The following CPLX2 variants were observed in gnomAD, a reference collection of about 807,000 sequenced individuals.
The protein encoded by CPLX2 is complexin-2.
CPLX2 carries 5 observed loss-of-function variants against 16.3 expected under a neutral mutation model. That is an observed-to-expected ratio of 0.31 (90% CI 0.16 to 0.64). The LOEUF (loss-of-function observed/expected upper bound fraction) is 0.64, where lower values mean the gene tolerates loss of function less well. Ranked by LOEUF, CPLX2 falls within the 30% of genes least tolerant of loss-of-function variation. The probability of loss-of-function intolerance (pLI) is 0.79; values close to 1 mark genes in which losing one functional copy is unlikely to be tolerated. For synonymous variants in CPLX2, 89 were observed against 73.2 expected (o/e 1.22, Z -1.10); for missense variants, 144 against 181.4 (o/e 0.79, Z 1.18).
intron 2 of CPLX2, among the ~76,000 whole-genome samples, chr5:175,850,222 C>G (rs1361329009): frequency 1.3e-5 from 2 of 152,084 alleles, no homozygotes; most frequent in Non-Finnish European, 2.9e-5. Context: ...TCAGGATGAT[C>G]TAGCATCAGC....
At chr5:175,813,848 C>A (rs907557473) in intron 2 of CPLX2, among the ~76,000 whole-genome samples, 1 of 152,178 alleles carries the variant, frequency 6.6e-6, no homozygotes, top group Non-Finnish European at 1.5e-5. Flanking sequence ...ATTTCCTTTC[C>A]AAGGAAGAGG....
intron 2 of CPLX2, among the ~76,000 whole-genome samples, chr5:175,856,523 A>G (rs1759260265): frequency 6.6e-6 from 1 of 152,172 alleles, no homozygotes; most frequent in Non-Finnish European, 1.5e-5. Context: ...GAATCTGACA[A>G]CCCAGCAGCC....
rs1324688192 is a variant in CPLX2 at position 175,872,576 on chromosome 5, C to T, written c.-89+871C>T. Among the ~76,000 whole-genome samples, 2 of 152,210 alleles carry T rather than the reference C, an allele frequency of 1.3e-5. No homozygotes were observed. Among genetic ancestry groups the T allele is most frequent in the East Asian group, 3.9e-4 (2 of 5,136 alleles). ...CCGGGGTTCCTGTCCTCTCTTCTGG[C>T]CGGGAAACGGGAACCCCCGGCCACT... On this transcript the variant is annotated intron_variant, in intron 1 of 3. Coordinates refer to ENST00000393745, the MANE Select transcript of CPLX2 (RefSeq NM_001008220.2). This position sits in a 1 kb window ranked among gnomAD's most constrained non-coding sequence, Gnocchi z 5.0.
At chr5:175,810,539 G>A (rs1184968392) in intron 2 of CPLX2, among the ~76,000 whole-genome samples, 1 of 152,166 alleles carries the variant, frequency 6.6e-6, no homozygotes, top group African/African-American at 2.4e-5. Context: ...CTTAGTGCAA[G>A]ACCTGCACAC....
intron 1 of CPLX2, among the ~76,000 whole-genome samples, chr5:175,803,542 G>A (rs1307975202): frequency 2.0e-5 from 3 of 152,174 alleles, no homozygotes; most frequent in Non-Finnish European, 4.4e-5. Context: ...AACATGCAGA[G>A]GTCCTAGGGC....
At chr5:175,833,716 T>A (rs1158247546) in intron 2 of CPLX2, among the ~76,000 whole-genome samples, 4 of 152,156 alleles carry the variant, frequency 2.6e-5, no homozygotes, top group Non-Finnish European at 5.9e-5. Context: ...GATGGGAGGC[T>A]GGAGAGGGAT....
rs539574124 is a variant in CPLX2 at position 175,859,742 on chromosome 5, A to G, written c.-88-18910A>G. On this transcript the variant is annotated intron_variant, in intron 2 of 4. Coordinates refer to the CPLX2 transcript ENST00000359546. ...CACCATTGTGAATTCCCTCTCTTTC[A>G]GTCAACGTGACCATGGGGACCAGCT... Among the ~76,000 whole-genome samples, 44 of 152,366 alleles carry G rather than the reference A, an allele frequency of 2.9e-4. 1 individual carries two copies. In the Middle Eastern group the frequency reaches 0.017, roughly 59 times the overall value.
chr5:175,877,685 T>A (rs1420039945), intron 1 of CPLX2, among the ~76,000 whole-genome samples: 2 of 152,196 alleles, frequency 1.3e-5, no homozygotes, highest in Non-Finnish European at 2.9e-5. Context: ...GGGTTCAGCT[T>A]CTCAGGGATG....
At chr5:175,799,535 AT>A (rs1366792780) in intron 1 of CPLX2, among the ~76,000 whole-genome samples, 2 of 34,748 alleles carry the variant, frequency 5.8e-5, no homozygotes, top group Non-Finnish European at 9.9e-5. Context: ...CCCTTTGCAA[AT>A]TTCATATATA....
chr5:175,818,201 G>T (rs1022108299), intron 2 of CPLX2, among the ~76,000 whole-genome samples: 5 of 152,154 alleles, frequency 3.3e-5, no homozygotes, highest in Non-Finnish European at 7.3e-5. Context: ...CTAGGGAGGG[G>T]AAGGATGAGG....
intron 2 of CPLX2, among the ~76,000 whole-genome samples, chr5:175,846,354 T>C (rs1759044324): frequency 6.6e-6 from 1 of 152,150 alleles, no homozygotes; most frequent in Non-Finnish European, 1.5e-5. Flanking sequence ...ACCTAGACTC[T>C]AGCTCTCTCC....
At chr5:175,799,690 AT>A (rs113894962) in intron 1 of CPLX2, among the ~76,000 whole-genome samples, 1,856 of 149,166 alleles carry the variant, frequency 0.012, 37 homozygotes, top group African/African-American at 0.043. Context: ...TATTTTTTTT[AT>A]TTTTTTTATT....
At chr5:175,859,073 C>A (rs1481738211) in intron 2 of CPLX2, among the ~76,000 whole-genome samples, 1 of 152,236 alleles carries the variant, frequency 6.6e-6, no homozygotes, top group African/African-American at 2.4e-5. Flanking sequence ...CCTCCTCCAA[C>A]TACAGCCTGG....
chr5:175,872,676 C>T lies in CPLX2; in HGVS notation c.-89+971C>T, dbSNP rs1437421012. 6.6e-6 allele frequency: 1 copy of T among 152,252 alleles called. No individual in the cohort carries two copies. Among genetic ancestry groups the T allele is most frequent in the Non-Finnish European group, 1.5e-5 (1 of 68,058 alleles). The allele number at this position is 152,252 out of a possible 1,614,324, so 9.4% of individuals were successfully genotyped here. ...CCCCTCCCCTCCCCCATGCGTCTCCCATCCCGGGCCACGGGGTGGGGACGG... is the reference window on the plus strand; with the variant it reads ...CCCCTCCCCTCCCCCATGCGTCTCCTATCCCGGGCCACGGGGTGGGGACGG... On this transcript the variant is annotated intron_variant, in intron 1 of 3. Transcript: ENST00000393745. The surrounding 1 kb of genome is among the most constrained non-coding windows in gnomAD (Gnocchi z 5.0).
At position 175,883,304 on chromosome 5, in the gene CPLX2, A is replaced by C. The variant is rs1755666523; in HGVS notation, c.*3259A>C. On this transcript the variant is annotated 3_prime_UTR_variant, in exon 4 of 4. Transcript: ENST00000393745. ...TCCAAACATGGACGTCCTCCCCTCC[A>C]AATCCAGAAGCTCCCAGAAGGTGTC... The C allele has an allele frequency of 6.6e-6, 1 of 152,290 alleles. No homozygotes were observed. The highest frequency in any genetic ancestry group is 2.4e-5 in the African/African-American group (1 of 41,432). The allele number at this position is 152,290 out of a possible 1,614,324, so 9.4% of individuals were successfully genotyped here. A position where few individuals can be genotyped will look rare whatever the true frequency, so the allele number is the denominator to read the frequency against.
At chr5:175,833,566 G>A (rs1758770450) in intron 2 of CPLX2, among the ~76,000 whole-genome samples, 2 of 151,934 alleles carry the variant, frequency 1.3e-5, no homozygotes, top group Admixed American at 1.3e-4. Context: ...AATGGAAATG[G>A]GGGGGCCTGG....
At chr5:175,805,257 TA>T (rs769736472) in intron 1 of CPLX2, among the ~76,000 whole-genome samples, 1 of 152,200 alleles carries the variant, frequency 6.6e-6, no homozygotes, top group African/African-American at 2.4e-5. Context: ...AAGCATAAGA[TA>T]TATCCATTTT....
At chr5:175,818,725 G>A (rs1308164434) in intron 2 of CPLX2, among the ~76,000 whole-genome samples, 2 of 132,876 alleles carry the variant, frequency 1.5e-5, no homozygotes, top group Non-Finnish European at 3.1e-5. Context: ...GTAGTGATGC[G>A]ATCTCGGTTC....
rs1755644340 is a variant in CPLX2 at position 175,882,511 on chromosome 5, C to G, written c.*2466C>G. The stretch of plus-strand genomic sequence containing the variant: ...GAGAACCCAGTCGAACCAGATACCC[C>G]AGGTGGGCCGGAGGGACCCCAGACC... On this transcript the variant is annotated 3_prime_UTR_variant, in exon 4 of 4. Transcript: ENST00000393745. 1 of 152,874 alleles carries G rather than the reference C, an allele frequency of 6.5e-6. No individual in the cohort carries two copies. Among genetic ancestry groups the G allele is most frequent in the African/African-American group, 2.4e-5 (1 of 41,468 alleles). 9.5% of individuals were successfully genotyped at this position (152,874 alleles called of 1,614,324 possible). A position where few individuals can be genotyped will look rare whatever the true frequency, so the allele number is the denominator to read the frequency against.
Sources: allele counts gnomAD v4.1 joint callset (sites outside exome capture counted in the v4.1 genomes callset), GRCh38; gene constraint gnomAD v4.1.1; non-coding constraint Gnocchi (gnomAD v3.1); transcripts MANE v1.5; gene names NCBI Gene and HGNC (gene_info 2026-07-23, HGNC 2026-07-21).